Variants in TOP1 observed in about 807,000 individuals in gnomAD.
The protein encoded by TOP1 is DNA topoisomerase 1.
In TOP1, 10 loss-of-function variants were observed where a neutral mutation model predicts 111.1. The ratio of observed to expected loss-of-function variants is 0.09; its 90% CI spans 0.06 to 0.15. The LOEUF (loss-of-function observed/expected upper bound fraction) is 0.15. Ranked by LOEUF, TOP1 falls within the 10% of genes least tolerant of loss-of-function variation. The pLI, the probability that TOP1 is intolerant of heterozygous loss-of-function variation, is 1.00. For synonymous variants in TOP1, 271 were observed against 302.9 expected (o/e 0.89, Z 1.10); for missense variants, 474 against 926.7 (o/e 0.51, Z 6.34).
intron 2 of TOP1, among the ~76,000 whole-genome samples, chr20:41,052,639 C>T (rs1053942633): frequency 1.3e-5 from 2 of 152,004 alleles, no homozygotes; most frequent in Non-Finnish European, 2.9e-5. Flanking sequence ...TCTATCTAAG[C>T]AGAGAACTAG....
intron 2 of TOP1, among the ~76,000 whole-genome samples, chr20:41,035,070 TG>T (rs943921156): frequency 1.1e-4 from 16 of 152,060 alleles, no homozygotes; most frequent in African/African-American, 3.9e-4. Context: ...TTGCATTTTT[TG>T]TAGAGACGAG....
chr20:41,119,697 T>C (rs2145971798), intron 18 of TOP1, among the ~76,000 whole-genome samples: 1 of 152,358 alleles, frequency 6.6e-6, no homozygotes, highest in South Asian at 2.1e-4. Context: ...ATGCTACAGA[T>C]GCCATCTGGC....
chr20:41,062,414 G>C (rs1170151717), intron 3 of TOP1, among the ~76,000 whole-genome samples: 2 of 152,058 alleles, frequency 1.3e-5, no homozygotes, highest in Non-Finnish European at 2.9e-5. Flanking sequence ...TTTCTCTATT[G>C]GGGACATTTC....
chr20:41,053,043 C>G (rs8122094), intron 2 of TOP1, among the ~76,000 whole-genome samples: 30,043 of 152,052 alleles, frequency 0.2, 3,172 homozygotes, highest in Middle Eastern at 0.27. Context: ...GGGAGATAAA[C>G]ATAACTCTGG....
At chr20:41,073,846 C>T (rs2033694978) in intron 3 of TOP1, among the ~76,000 whole-genome samples, 1 of 152,138 alleles carries the variant, frequency 6.6e-6, no homozygotes, top group Non-Finnish European at 1.5e-5. Context: ...CCCTCCCCCA[C>T]TATAGTTGGC....
Position 41,061,081 on chromosome 20 carries a change from A to G in TOP1, c.59-313A>G, listed in dbSNP as rs1380340223. ...CAGTGTTCAATACTATCCCTTTGTTATCATTTATAGGTCAGGCTTAATAGT... is the reference window on the plus strand; with the variant it reads ...CAGTGTTCAATACTATCCCTTTGTTGTCATTTATAGGTCAGGCTTAATAGT... On this transcript the variant is annotated intron_variant, in intron 2 of 20. Coordinates refer to ENST00000361337, the MANE Select transcript of TOP1 (RefSeq NM_003286.4). This position sits in a 1 kb window ranked among gnomAD's most constrained non-coding sequence, Gnocchi z 4.6. 6.6e-6 allele frequency among the ~76,000 whole-genome samples: 1 copy of G among 152,154 alleles called. No individual in the cohort carries two copies. The highest frequency in any genetic ancestry group is 1.5e-5 in the Non-Finnish European group (1 of 68,020).
Position 41,098,414 on chromosome 20 carries a change from T to G in TOP1, c.975+77T>G, listed in dbSNP as rs904461436. 7 of 1,452,600 alleles carry G rather than the reference T, an allele frequency of 4.8e-6. No homozygotes were observed. In the African/African-American group the frequency reaches 8.5e-5, roughly 18 times the overall value. 90.0% of individuals were successfully genotyped at this position (1,452,600 alleles called of 1,614,324 possible). A position where few individuals can be genotyped will look rare whatever the true frequency, so the allele number is the denominator to read the frequency against. ...CATTTAACTTTCTTCTTGGTTCTTA[T>G]GACACAACATTAACATCAGTAATTT... On this transcript the variant is annotated intron_variant, in intron 11 of 20. Coordinates refer to ENST00000361337, the MANE Select transcript of TOP1 (RefSeq NM_003286.4). The surrounding 1 kb of genome is among the most constrained non-coding windows in gnomAD (Gnocchi z 5.7).
intron 2 of TOP1, among the ~76,000 whole-genome samples, chr20:41,043,849 G>A (rs2033298824): frequency 6.6e-6 from 1 of 152,214 alleles, no homozygotes; most frequent in African/African-American, 2.4e-5. Context: ...TAATTGAGCT[G>A]GCCTGAGAAG....
At chr20:41,072,711 G>A in intron 3 of TOP1, 1 of 985,428 alleles carries the variant, frequency 1.0e-6, no homozygotes, top group Non-Finnish European at 1.2e-6. Flanking sequence ...TGTGGAGGCA[G>A]GGACGGTAAC....
In TOP1 at chr20:41,069,066, T is replaced by C. The variant is rs2033641676; in HGVS notation, c.156-7105T>C. ...TTTCCAGCCATATTGGCAGTGCTATTCTGTACTGTCAGTGTGAGAAACATC... is the reference window on the plus strand; with the variant it reads ...TTTCCAGCCATATTGGCAGTGCTATCCTGTACTGTCAGTGTGAGAAACATC... On this transcript the variant is annotated intron_variant, in intron 3 of 20. Transcript: ENST00000361337. This position sits in a 1 kb window ranked among gnomAD's most constrained non-coding sequence, Gnocchi z 4.1. Among the ~76,000 whole-genome samples, 1 of 152,218 alleles carries C rather than the reference T, an allele frequency of 6.6e-6. No individual in the cohort carries two copies. The highest frequency in any genetic ancestry group is 1.5e-5 in the Non-Finnish European group (1 of 68,044).
chr20:41,089,873 C>T (rs2033898087), intron 8 of TOP1, among the ~76,000 whole-genome samples: 1 of 152,202 alleles, frequency 6.6e-6, no homozygotes, highest in Non-Finnish European at 1.5e-5. Flanking sequence ...TTGGTATTTT[C>T]CTAATGATTA....
intron 17 of TOP1, among the ~76,000 whole-genome samples, chr20:41,117,572 G>A (rs1160279385): frequency 6.6e-6 from 1 of 151,604 alleles, no homozygotes; most frequent in African/African-American, 2.4e-5. Context: ...ATTTTTAGTA[G>A]AGACAGGGTT....
In TOP1 at chr20:41,084,574, A is replaced by G. The variant is rs376735420; in HGVS notation, c.614+6A>G. 21 of 1,520,126 alleles carry G rather than the reference A, an allele frequency of 1.4e-5. No individual in the cohort carries two copies. Among genetic ancestry groups the G allele is most frequent in the Non-Finnish European group, 1.9e-5 (21 of 1,126,490 alleles). 94.2% of individuals were successfully genotyped at this position (1,520,126 alleles called of 1,614,324 possible). ...GAGGAACAGAAGTGGAAATGGTAAC[A>G]TCTCAGCACTGGGTTAAAATGCCAC... On this transcript the variant is annotated splice_donor_region_variant and intron_variant, in intron 8 of 20. Coordinates refer to ENST00000361337, the MANE Select transcript of TOP1 (RefSeq NM_003286.4).
At chr20:41,064,222 G>A (rs998459974) in intron 3 of TOP1, among the ~76,000 whole-genome samples, 1 of 152,014 alleles carries the variant, frequency 6.6e-6, no homozygotes, top group Admixed American at 6.6e-5. Context: ...GATTGCTGTC[G>A]GTGTGTGGTT....
Position 41,029,464 on chromosome 20 carries a change from G to GC in TOP1, c.58+14dup, listed in dbSNP as rs1209761437. 4 of 1,540,778 alleles carry GC rather than the reference G, an allele frequency of 2.6e-6. No individual in the cohort carries two copies. The highest frequency in any genetic ancestry group is 2.6e-6 in the Non-Finnish European group (3 of 1,145,450). On this transcript the variant is annotated intron_variant, in intron 2 of 20. Coordinates refer to ENST00000361337, the MANE Select transcript of TOP1 (RefSeq NM_003286.4). This position sits in a 1 kb window ranked among gnomAD's most constrained non-coding sequence, Gnocchi z 6.1. ...GGATTTCCGATTGAATGGTGAGTGT[G>GC]CCCCCTGCGCCGACTCCGGGGCCCC...
At chr20:41,053,935 G>C (rs940863485) in intron 2 of TOP1, among the ~76,000 whole-genome samples, 2 of 152,150 alleles carry the variant, frequency 1.3e-5, no homozygotes, top group African/African-American at 4.8e-5. Flanking sequence ...GAGTTTGTTT[G>C]ATTTTGCCAA....
intron 2 of TOP1, among the ~76,000 whole-genome samples, chr20:41,039,683 C>T (rs1435949332): frequency 2.6e-5 from 4 of 152,062 alleles, no homozygotes; most frequent in African/African-American, 4.8e-5. Flanking sequence ...CCGAGGCGGG[C>T]GGATCACGAG....
In TOP1 at chr20:41,092,011, A is replaced by G. The variant is rs1001628571; in HGVS notation, c.615-461A>G. Among the ~76,000 whole-genome samples, 3 of 152,206 alleles carry G rather than the reference A, an allele frequency of 2.0e-5. No individual in the cohort carries two copies. The highest frequency in any genetic ancestry group is 2.4e-5 in the African/African-American group (1 of 41,450). On this transcript the variant is annotated intron_variant, in intron 8 of 20. Transcript: ENST00000361337. The surrounding 1 kb of genome is among the most constrained non-coding windows in gnomAD (Gnocchi z 4.3). ...AAACTCAACATGCCCCAGTTAAGCT[A>G]TCATTTCCTAGTCGTCTTCCTTTAT...
chr20:41,086,889 TATGA>T (rs1396324108), intron 8 of TOP1, among the ~76,000 whole-genome samples: 2 of 152,140 alleles, frequency 1.3e-5, no homozygotes, highest in African/African-American at 4.8e-5. Context: ...GTGTTGAAAA[TATGA>T]ATGAAGAGCC....
Sources: gnomAD v4.1 joint callset for allele counts (sites outside exome capture counted in the v4.1 genomes callset) on GRCh38, gnomAD v4.1.1 for gene constraint, Gnocchi (gnomAD v3.1) non-coding constraint, MANE v1.5 for transcripts, NCBI Gene and HGNC (gene_info 2026-07-23, HGNC 2026-07-21) for gene names.